Variants in SGCZ observed in about 807,000 individuals in gnomAD.
The protein encoded by SGCZ is sarcoglycan zeta, also known as zeta-sarcoglycan.
In SGCZ, 40 loss-of-function variants were observed where a neutral mutation model predicts 41.3. The observed-to-expected ratio is 0.97, with a 90% confidence interval of 0.75 to 1.26. SGCZ has a LOEUF of 1.26. Ranked by LOEUF, SGCZ falls within the 50% of genes most tolerant of loss-of-function variation. The pLI is 0.00. For synonymous variants in SGCZ, 206 were observed against 137.5 expected, an observed-to-expected ratio of 1.50 and a Z score of -3.49; for missense variants, 552 against 369.8, an observed-to-expected ratio of 1.49 and a Z score of -4.04.
chr8:14,653,938 A>G (rs1407755719), intron 1 of SGCZ, among the ~76,000 whole-genome samples: 1 of 152,164 alleles, frequency 6.6e-6, no homozygotes, highest in Non-Finnish European at 1.5e-5. Flanking sequence ...CAATTAAAAG[A>G]CAGATTTGTT....
chr8:14,102,872 A>C (rs774619483), intron 6 of SGCZ, among the ~76,000 whole-genome samples: 2 of 152,198 alleles, frequency 1.3e-5, no homozygotes, highest in East Asian at 1.9e-4. Context: ...ACTTACTAGT[A>C]TTAATGATGG....
At chr8:14,399,548 C>G (rs1056131301) in intron 2 of SGCZ, among the ~76,000 whole-genome samples, 16 of 152,086 alleles carry the variant, frequency 1.1e-4, no homozygotes, top group African/African-American at 3.9e-4. Flanking sequence ...GTCTTTCTTC[C>G]TGGAAATTAG....
At chr8:14,556,288 A>C (rs1014719429) in intron 1 of SGCZ, among the ~76,000 whole-genome samples, 1 of 151,760 alleles carries the variant, frequency 6.6e-6, no homozygotes, top group African/African-American at 2.4e-5. Context: ...TAAATGACGA[A>C]TCTAACATAA....
intron 1 of SGCZ, among the ~76,000 whole-genome samples, chr8:14,628,556 C>A (rs896004292): frequency 9.9e-5 from 15 of 152,064 alleles, no homozygotes; most frequent in African/African-American, 3.6e-4. Context: ...ACTAAGGAAG[C>A]AATAGGTTCC....
At chr8:15,236,045 T>C (rs943377805) in intron 1 of SGCZ, among the ~76,000 whole-genome samples, 2 of 152,160 alleles carry the variant, frequency 1.3e-5, no homozygotes, top group African/African-American at 2.4e-5. Flanking sequence ...ACTATGATCT[T>C]GGCAAAAACA....
chr8:14,352,026 C>T (rs1337766367), intron 2 of SGCZ, among the ~76,000 whole-genome samples: 2 of 151,970 alleles, frequency 1.3e-5, no homozygotes, highest in Non-Finnish European at 2.9e-5. Context: ...TAGCACGGTA[C>T]CTTATTTATA....
At chr8:14,222,649 G>A (rs1247598739) in intron 4 of SGCZ, among the ~76,000 whole-genome samples, 1 of 151,788 alleles carries the variant, frequency 6.6e-6, no homozygotes, top group Non-Finnish European at 1.5e-5. Flanking sequence ...GTTTTGAATC[G>A]AAAAATGAAA....
chr8:14,991,070 G>T (rs1039790214), intron 1 of SGCZ, among the ~76,000 whole-genome samples: 3 of 152,126 alleles, frequency 2.0e-5, no homozygotes, highest in Admixed American at 1.3e-4. Context: ...AAATTTTCAT[G>T]AGTTTAAACC....
chr8:14,927,918 C>T (rs1361327219), intron 1 of SGCZ, among the ~76,000 whole-genome samples: 1 of 152,068 alleles, frequency 6.6e-6, no homozygotes, highest in Non-Finnish European at 1.5e-5. Context: ...TTCATTAGTA[C>T]CATATTTGAT....
chr8:14,095,350 A>G (rs1191569653), intron 7 of SGCZ, among the ~76,000 whole-genome samples: 1 of 152,192 alleles, frequency 6.6e-6, no homozygotes, highest in East Asian at 1.9e-4. Context: ...ATGGCTAGCC[A>G]GTTTTCCCAA....
chr8:15,187,240 T>C (rs1800376673), intron 1 of SGCZ, among the ~76,000 whole-genome samples: 1 of 152,066 alleles, frequency 6.6e-6, no homozygotes, highest in Admixed American at 6.6e-5. Context: ...ATATTCCAAA[T>C]CAACTCCATA....
intron 3 of SGCZ, among the ~76,000 whole-genome samples, chr8:14,303,784 T>C (rs932381434): frequency 3.3e-5 from 5 of 152,034 alleles, no homozygotes; most frequent in Non-Finnish European, 2.9e-5. Flanking sequence ...TATTGATATA[T>C]ATTGTCACCC....
chr8:14,784,173 C>T lies in SGCZ; in HGVS notation c.40-229247G>A, dbSNP rs572250309. Among the ~76,000 whole-genome samples the T allele has an allele frequency of 1.3e-4, 19 of 151,750 alleles. No homozygotes were observed. The East Asian group carries it at 3.1e-3, about 25-fold the overall frequency. Reference sequence around the variant, plus strand: ...TCAATATATCCTCTTCTCTCAGCCTCCCTAGTAGCAGGGAACACAGGCACA... The same window carrying T: ...TCAATATATCCTCTTCTCTCAGCCTTCCTAGTAGCAGGGAACACAGGCACA... On this transcript the variant is annotated intron_variant, in intron 1 of 7. Transcript: ENST00000382080.
chr8:15,183,688 G>T (rs73665395), intron 1 of SGCZ, among the ~76,000 whole-genome samples: 9,985 of 152,166 alleles, frequency 0.066, 360 homozygotes, highest in Non-Finnish European at 0.07. Context: ...TTGTTTACTT[G>T]CCATCTATGT....
chr8:15,180,170 T>C (rs945006055), intron 1 of SGCZ, among the ~76,000 whole-genome samples: 1 of 152,126 alleles, frequency 6.6e-6, no homozygotes, highest in Non-Finnish European at 1.5e-5. Context: ...CACCCTCTCA[T>C]CCCGCAAAAC....
chr8:14,370,542 C>G (rs1356933504), intron 2 of SGCZ, among the ~76,000 whole-genome samples: 5 of 151,766 alleles, frequency 3.3e-5, no homozygotes, highest in African/African-American at 1.2e-4. Context: ...GATTTGATAC[C>G]TAAATCTTTA....
intron 1 of SGCZ, among the ~76,000 whole-genome samples, chr8:14,902,144 A>C (rs2130761903): frequency 6.6e-6 from 1 of 152,264 alleles, no homozygotes; most frequent in East Asian, 1.9e-4. Flanking sequence ...GACAAGGGAA[A>C]CACGAACAAA....
intron 2 of SGCZ, among the ~76,000 whole-genome samples, chr8:14,413,885 T>C (rs1799426506): frequency 6.6e-6 from 1 of 152,032 alleles, no homozygotes; most frequent in African/African-American, 2.4e-5. Flanking sequence ...TATCCAGTCA[T>C]CTAGAACTCT....
chr8:14,764,330 T>G (rs532685414), intron 1 of SGCZ, among the ~76,000 whole-genome samples: 9 of 152,198 alleles, frequency 5.9e-5, no homozygotes, highest in South Asian at 2.1e-4. Context: ...TCTTAAAGCA[T>G]TGTTCTAGAA....
Sources: allele counts gnomAD v4.1 joint callset (sites outside exome capture counted in the v4.1 genomes callset), GRCh38; gene constraint gnomAD v4.1.1; transcripts MANE v1.5; gene names NCBI Gene and HGNC (gene_info 2026-07-23, HGNC 2026-07-21).